STARD9: variants seen among roughly 807,000 people sequenced by gnomAD.
STARD9 encodes the protein StAR related lipid transfer domain containing 9.
STARD9 carries 346 observed loss-of-function variants against 399.8 expected under a neutral mutation model. The ratio of observed to expected loss-of-function variants is 0.87; its 90% CI spans 0.79 to 0.95. The LOEUF is 0.95. Among genes scored for constraint, STARD9 ranks in the 40% least tolerant of loss-of-function variants. The pLI is 0.00. For missense variants in STARD9, 5,832 were observed against 5,667.5 expected, an observed-to-expected ratio of 1.03 and a Z score of -0.93; for synonymous variants, 2,203 against 2,143.5, an observed-to-expected ratio of 1.03 and a Z score of -0.77.
At chr15:42,705,082 G>A (rs921841708) in intron 26 of STARD9, among the ~76,000 whole-genome samples, 5 of 152,182 alleles carry the variant, frequency 3.3e-5, no homozygotes, top group African/African-American at 1.2e-4. Flanking sequence ...CTGGAATTAG[G>A]CTGTGGGGTT....
At chr15:42,635,914 C>T (rs2059410626) in intron 4 of STARD9, among the ~76,000 whole-genome samples, 1 of 152,122 alleles carries the variant, frequency 6.6e-6, no homozygotes, top group African/African-American at 2.4e-5. Flanking sequence ...CAAAAGTATG[C>T]AGGATTTAAT....
intron 1 of STARD9, among the ~76,000 whole-genome samples, chr15:42,582,367 A>G (rs1025552360): frequency 2.6e-5 from 4 of 152,308 alleles, no homozygotes; most frequent in Admixed American, 2.6e-4. Context: ...CATTTTGGTC[A>G]TGAGTACTTT....
rs769705698 is a variant in STARD9 at position 42,688,922 on chromosome 15, C to T, written c.7344C>T (p.Asp2448=). The change falls in exon 23 of 33, where the codon GAC becomes GAT. Residue 2448 remains aspartate, a synonymous_variant. Transcript: ENST00000290607. ...ASTSPQDHGK[D]LRITLLGFST... ...CCAGCCCCCAAGACCATGGAAAGGA[C>T]CTCAGAATCACCTTGCTGGGTTTCA... 63 of 1,537,238 alleles carry T rather than the reference C, an allele frequency of 4.1e-5. No homozygotes were observed. The highest frequency in any genetic ancestry group is 2.4e-5 in the South Asian group (2 of 84,056).
rs544191740 is a variant in STARD9 at position 42,685,971 on chromosome 15, G to T, written c.4393G>T (p.Val1465Leu). The T allele has an allele frequency of 2.6e-6, 4 of 1,537,262 alleles. No homozygotes were observed. The highest frequency in any genetic ancestry group is 2.6e-6 in the Non-Finnish European group (3 of 1,146,934). The change falls in exon 23 of 33, where the codon GTG becomes TTG. Residue 1465 changes from valine (V) to leucine (L), a missense_variant. Physicochemically the swap from Val to Leu is conservative, Grantham distance 32 (BLOSUM62 1). Around this residue, in one of 2 missense-constraint regions of STARD9, gnomAD observed 5,828 missense variants for 5,651.1 expected, o/e 1.03. Coordinates refer to ENST00000290607, the MANE Select transcript of STARD9 (RefSeq NM_020759.3). ...ATCCCACAATTCTAGCGTATCAAAC[G>T]TGCTGGCTGCCTCTGCCACCACCTT... ...EASHNSSVSNVLAASATTLTH... is the reference protein window; with the variant it reads ...EASHNSSVSNLLAASATTLTH...
In STARD9 at chr15:42,684,515, ACTAGCAGACC is replaced by A. The variant is rs747418351; in HGVS notation, c.2943_2952del (p.Asp982ThrfsTer84). ...CTACCCAGACCAGAGGGGCGAAGGG[ACTAGCAGACC>A]CTAGCCACACACAAGCTGGGTGGCG... is the stretch of plus-strand genomic sequence containing the variant. On this transcript the variant is annotated frameshift_variant, in exon 23 of 33. Transcript: ENST00000290607. LOFTEE classifies it high-confidence loss of function. 3.1e-5 allele frequency: 48 copies of A among 1,537,120 alleles called. No homozygotes were observed. The highest frequency in any genetic ancestry group is 6.1e-6 in the Non-Finnish European group (7 of 1,146,906).
chr15:42,591,596 A>G (rs2058395505), intron 3 of STARD9, among the ~76,000 whole-genome samples: 1 of 152,150 alleles, frequency 6.6e-6, no homozygotes, highest in African/African-American at 2.4e-5. Flanking sequence ...TTAGTGCTCA[A>G]GCTGGAACAG....
At chr15:42,594,318 T>C (rs368991599) in intron 3 of STARD9, among the ~76,000 whole-genome samples, 5 of 152,312 alleles carry the variant, frequency 3.3e-5, no homozygotes, top group African/African-American at 1.2e-4. Flanking sequence ...AAAGGAATGT[T>C]GATCCTGCGA....
Position 42,690,358 on chromosome 15 carries a change from G to A in STARD9, c.8780G>A (p.Gly2927Asp), listed in dbSNP as rs769292331. Residue 2927 changes from glycine to aspartate, a missense_variant, in exon 23 of 33, where the codon GGC becomes GAC. Physicochemically the swap from Gly to Asp is moderately conservative, Grantham distance 94. This residue lies in a region of STARD9 where 5,828 missense variants were observed against 5,651.1 expected (regional missense o/e 1.03). Transcript: ENST00000290607. ...AGACACCCAAGGGAAGCTTTAGATG[G>A]CCCTGTCTTCTCAAGGAACCCTGAA... ...PCRHPREALD[G>D]PVFSRNPEGS... is the part of the protein sequence containing the mutation. 2.0e-6 allele frequency: 3 copies of A among 1,537,206 alleles called. No individual in the cohort carries two copies. The highest frequency in any genetic ancestry group is 3.3e-4 in the Middle Eastern group (2 of 5,990).
Position 42,684,775 on chromosome 15 carries a change from G to T in STARD9, c.3197G>T (p.Ser1066Ile). The change falls in exon 23 of 33, where the codon AGT becomes ATT. Residue 1066 changes from serine to isoleucine, a missense_variant. Physicochemically the swap from Ser to Ile is moderately radical, Grantham distance 142. Coordinates refer to ENST00000290607, the MANE Select transcript of STARD9 (RefSeq NM_020759.3). The stretch of plus-strand genomic sequence containing the variant: ...AAGTCCTCTCACTTGCCTCTTGGCA[G>T]TCCTTTGAAGAGACAACAAAATACA... ...TKKSSHLPLG[S>I]PLKRQQNTRD... 2.0e-6 allele frequency: 3 copies of T among 1,537,244 alleles called. No homozygotes were observed. Among genetic ancestry groups the T allele is most frequent in the Non-Finnish European group, 2.6e-6 (3 of 1,146,920 alleles).
chr15:42,717,634 G>A (rs2061374420), intron 28 of STARD9, 97 bp from the exon 29 acceptor site: 1 of 1,106,204 alleles, frequency 9.0e-7, no homozygotes, highest in African/African-American at 1.6e-5. Flanking sequence ...CAAAAAAAAA[G>A]AAAAGGGGAA....
At chr15:42,681,313 C>G in intron 20 of STARD9, 109 bp from the exon 21 acceptor site, 1 of 1,166,482 alleles carries the variant, frequency 8.6e-7, no homozygotes, top group Non-Finnish European at 1.2e-6. Flanking sequence ...AAAGCACTCT[C>G]TACCCTGTTG....
At chr15:42,673,861 T>G in intron 16 of STARD9, 2 of 454,602 alleles carry the variant, frequency 4.4e-6, no homozygotes, top group Non-Finnish European at 8.8e-6. Context: ...TCTCTTACAC[T>G]CTCTTCCAGT....
chr15:42,625,840 G>A (rs1279754008), intron 3 of STARD9, among the ~76,000 whole-genome samples: 4 of 151,770 alleles, frequency 2.6e-5, no homozygotes, highest in Admixed American at 6.6e-5. Context: ...AATGATTTTC[G>A]TATTTATAAA....
At chr15:42,636,680 T>C (rs1053508132) in intron 4 of STARD9, among the ~76,000 whole-genome samples, 1 of 152,226 alleles carries the variant, frequency 6.6e-6, no homozygotes, top group African/African-American at 2.4e-5. Context: ...TAGGACATGA[T>C]TCCTCTTAGA....
chr15:42,680,607 G>T (rs1350015873), intron 20 of STARD9, among the ~76,000 whole-genome samples: 1 of 152,026 alleles, frequency 6.6e-6, no homozygotes, highest in East Asian at 1.9e-4. Flanking sequence ...CTCAAAAAAA[G>T]AAAAAATCTA....
Position 42,682,109 on chromosome 15 carries a change from C to T in STARD9, c.2071C>T (p.Gln691Ter). ...TGGGTGTTTTTGGTTCCCAGACCAGCAGTGTCTGCTCAGAGAAGAGACCTG... is the reference window on the plus strand; with the variant it reads ...TGGGTGTTTTTGGTTCCCAGACCAGTAGTGTCTGCTCAGAGAAGAGACCTG... ...WISQQIKENQ[Q>*]CLLREETWLA... is the part of the protein sequence containing the mutation. Residue 691 changes from glutamine (Q) to a stop codon, truncating the protein, a stop_gained, in exon 22 of 33, where the codon CAG becomes TAG. Coordinates refer to ENST00000290607, the MANE Select transcript of STARD9 (RefSeq NM_020759.3). LOFTEE classifies it high-confidence loss of function. 4 of 1,534,804 alleles carry T rather than the reference C, an allele frequency of 2.6e-6. No homozygotes were observed. In the South Asian group the frequency reaches 3.6e-5, roughly 14 times the overall value.
At chr15:42,599,045 T>G (rs1274022620) in intron 3 of STARD9, among the ~76,000 whole-genome samples, 1 of 152,098 alleles carries the variant, frequency 6.6e-6, no homozygotes, top group Non-Finnish European at 1.5e-5. Context: ...TGCCTCAGCC[T>G]CCCAAGTAGC....
At chr15:42,711,741 G>C (rs73410931) in intron 26 of STARD9, among the ~76,000 whole-genome samples, 8,637 of 151,862 alleles carry the variant, frequency 0.057, 558 homozygotes, top group African/African-American at 0.17. Flanking sequence ...GGACATTTAG[G>C]TTGTTTTGTG....
chr15:42,681,318 C>G (rs2060422281), intron 20 of STARD9, 104 bp from the exon 21 acceptor site: 1 of 1,198,758 alleles, frequency 8.3e-7, no homozygotes, highest in Non-Finnish European at 1.1e-6. Context: ...ACTCTCTACC[C>G]TGTTGATTGC....
Sources: gnomAD v4.1 joint callset for allele counts (sites outside exome capture counted in the v4.1 genomes callset) on GRCh38, gnomAD v4.1.1 for gene constraint, gnomAD v4.1.1 regional missense constraint, MANE v1.5 for transcripts, NCBI Gene and HGNC (gene_info 2026-07-23, HGNC 2026-07-21) for gene names.